Variants in WWP1 observed in about 807,000 individuals in gnomAD.
WWP1 encodes the protein WW domain containing E3 ubiquitin protein ligase 1.
Under a neutral mutation model 130.6 loss-of-function variants are expected in WWP1, and 49 were observed. The ratio of observed to expected loss-of-function variants is 0.38; its 90% confidence interval spans 0.30 to 0.48. WWP1 has a LOEUF of 0.48. Ranked by LOEUF, WWP1 falls within the 20% of genes least tolerant of loss-of-function variation. The pLI is 0.99. For missense variants in WWP1, 809 were observed against 1,100.6 expected, an observed-to-expected ratio of 0.74 and a Z score of 3.75; for synonymous variants, 332 against 367.8, an observed-to-expected ratio of 0.90 and a Z score of 1.11.
intron 14 of WWP1, among the ~76,000 whole-genome samples, chr8:86,432,757 G>A (rs964209702): frequency 2.0e-5 from 3 of 151,930 alleles, no homozygotes; most frequent in Admixed American, 6.6e-5. Context: ...ACAGGCACCC[G>A]CCACCACACC....
chr8:86,438,013 G>A (rs1810392073), intron 16 of WWP1, among the ~76,000 whole-genome samples: 1 of 152,098 alleles, frequency 6.6e-6, no homozygotes, highest in Non-Finnish European at 1.5e-5. Context: ...TGTTAGCCAG[G>A]ATGGTCTCAA....
At chr8:86,367,412 A>G (rs1200515053) in intron 1 of WWP1, among the ~76,000 whole-genome samples, 1 of 151,986 alleles carries the variant, frequency 6.6e-6, no homozygotes, top group Non-Finnish European at 1.5e-5. Context: ...TCTTTCTTTC[A>G]CAATTTTGCT....
At chr8:86,392,405 G>A (rs1369875786) in intron 5 of WWP1, among the ~76,000 whole-genome samples, 1 of 152,192 alleles carries the variant, frequency 6.6e-6, no homozygotes, top group Admixed American at 6.5e-5. Flanking sequence ...AGAGAGGAGT[G>A]AGATGGCTGC....
chr8:86,408,568 A>G (rs1211054372), intron 8 of WWP1, among the ~76,000 whole-genome samples: 2 of 152,154 alleles, frequency 1.3e-5, no homozygotes, highest in Admixed American at 6.5e-5. Flanking sequence ...GAATCTTCCC[A>G]TTGAGAGATA....
At chr8:86,349,509 A>T (rs913966603) in intron 1 of WWP1, among the ~76,000 whole-genome samples, 3 of 152,212 alleles carry the variant, frequency 2.0e-5, no homozygotes, top group African/African-American at 7.2e-5. Flanking sequence ...TACTATACCA[A>T]AACAGGACTT....
intron 19 of WWP1, 28 bp from the exon 20 acceptor site, chr8:86,448,345 T>C: frequency 6.3e-7 from 1 of 1,591,014 alleles, no homozygotes; most frequent in Non-Finnish European, 8.5e-7. Flanking sequence ...ATTTTGTTAA[T>C]TAGTGTATAT....
chr8:86,375,672 T>C (rs1824602819), intron 3 of WWP1, among the ~76,000 whole-genome samples: 2 of 152,214 alleles, frequency 1.3e-5, no homozygotes, highest in Admixed American at 6.5e-5. Context: ...ACTAGTCTCC[T>C]TTTGCTGGAC....
chr8:86,382,994 A>C (rs538344107), intron 5 of WWP1, among the ~76,000 whole-genome samples: 1 of 152,354 alleles, frequency 6.6e-6, no homozygotes, highest in East Asian at 1.9e-4. Flanking sequence ...CATGTAACTT[A>C]AAGATCTGTT....
intron 1 of WWP1, among the ~76,000 whole-genome samples, chr8:86,345,490 A>G (rs374391881): frequency 6.6e-6 from 1 of 151,820 alleles, no homozygotes; most frequent in Non-Finnish European, 1.5e-5. Context: ...GCTCATTGCA[A>G]CCTCCGCCTC....
At chr8:86,362,182 A>ATAT (rs1554554026) in intron 1 of WWP1, among the ~76,000 whole-genome samples, 1 of 130,490 alleles carries the variant, frequency 7.7e-6, no homozygotes, top group Non-Finnish European at 1.6e-5. Context: ...ATATATATAT[A>ATAT]TATATATATA....
chr8:86,394,035 A>C (rs1807506636), intron 5 of WWP1, among the ~76,000 whole-genome samples: 1 of 152,250 alleles, frequency 6.6e-6, no homozygotes, highest in African/African-American at 2.4e-5. Context: ...CACCTGCCAG[A>C]TGTGGATGTG....
At chr8:86,436,922 G>A (rs977430976) in intron 16 of WWP1, among the ~76,000 whole-genome samples, 1 of 151,692 alleles carries the variant, frequency 6.6e-6, no homozygotes, top group African/African-American at 2.4e-5. Flanking sequence ...TTGGACTTTG[G>A]GCATGATACT....
chr8:86,397,000 T>C (rs1460726099), intron 5 of WWP1, among the ~76,000 whole-genome samples: 2 of 152,180 alleles, frequency 1.3e-5, no homozygotes, highest in Non-Finnish European at 2.9e-5. Context: ...AGTGCTGGGG[T>C]TACAGGTGTG....
chr8:86,414,810 C>A (rs1184171578), intron 9 of WWP1, among the ~76,000 whole-genome samples: 1 of 151,166 alleles, frequency 6.6e-6, no homozygotes, highest in Non-Finnish European at 1.5e-5. Context: ...CTAAAGTATG[C>A]ATCAGTGAAA....
intron 3 of WWP1, among the ~76,000 whole-genome samples, chr8:86,374,970 C>T (rs1210750699): frequency 6.6e-6 from 1 of 152,150 alleles, no homozygotes; most frequent in Non-Finnish European, 1.5e-5. Context: ...GCACCACCCT[C>T]CCAAATTGAG....
At chr8:86,353,890 C>T (rs1365654796) in intron 1 of WWP1, among the ~76,000 whole-genome samples, 3 of 152,188 alleles carry the variant, frequency 2.0e-5, no homozygotes, top group East Asian at 3.9e-4. Context: ...AATATTGTGT[C>T]GATGTTTACA....
At position 86,428,460 on chromosome 8, in the gene WWP1, G is replaced by T. The variant is rs184620478; in HGVS notation, c.1332+643G>T. On this transcript the variant is annotated intron_variant, in intron 11 of 24. Transcript: ENST00000517970. ...AAATTTTAAGTACTGGACAACTACA[G>T]ATAGTGTTTTGAGGCAACTTGAAGA... Among the ~76,000 whole-genome samples, 3 of 152,328 alleles carry T rather than the reference G, an allele frequency of 2.0e-5. No individual in the cohort carries two copies. The East Asian group carries it at 5.8e-4, about 29-fold the overall frequency.
At chr8:86,451,070 T>TA (rs1168194161) in intron 20 of WWP1, among the ~76,000 whole-genome samples, 3 of 150,594 alleles carry the variant, frequency 2.0e-5, no homozygotes, top group Non-Finnish European at 4.4e-5. Context: ...AATAAATAAA[T>TA]AAAATTTTTT....
chr8:86,355,528 A>G (rs1002085205), intron 1 of WWP1, among the ~76,000 whole-genome samples: 3 of 152,216 alleles, frequency 2.0e-5, no homozygotes, highest in African/African-American at 7.2e-5. Context: ...CCAATTACTT[A>G]TGGAAATGTT....
Sources: allele counts gnomAD v4.1 joint callset (sites outside exome capture counted in the v4.1 genomes callset), GRCh38; gene constraint gnomAD v4.1.1; transcripts MANE v1.5; gene names NCBI Gene and HGNC (gene_info 2026-07-23, HGNC 2026-07-21).